The following CEP170B variants were observed in gnomAD, a reference collection of about 807,000 sequenced individuals.
CEP170B encodes centrosomal protein 170B, also known as centrosomal protein of 170 kDa protein B.
In CEP170B, 55 loss-of-function variants were observed where a neutral mutation model predicts 120.6. That is an observed-to-expected ratio of 0.46 (90% confidence interval 0.37 to 0.57). CEP170B has a LOEUF of 0.57. CEP170B is among the 20% of genes least tolerant of loss of function. CEP170B has a pLI of 0.00. For missense variants in CEP170B, 2,212 were observed against 2,253.3 expected, an observed-to-expected ratio of 0.98 and a Z score of 0.37; for synonymous variants, 1,033 against 954.5, an observed-to-expected ratio of 1.08 and a Z score of -1.52.
Position 104,886,501 on chromosome 14 carries a change from C to T in CEP170B, c.2262C>T (p.Asp754=), listed in dbSNP as rs376336852. ...PDSLSDASGS[D]GGRGPEPGVE... is the part of the protein sequence containing the mutation. ...GCCTCAGCGATGCCAGTGGGTCGGA[C>T]GGGGGCCGAGGCCCCGAGCCAGGGG... is the stretch of plus-strand genomic sequence containing the variant. The change falls in exon 12 of 19, where the codon GAC becomes GAT. Residue 754 remains aspartate, a synonymous_variant. Transcript: ENST00000414716. 2.9e-5 allele frequency: 44 copies of T among 1,508,794 alleles called. No homozygotes were observed. The East Asian group carries it at 3.4e-4, about 11-fold the overall frequency. 93.5% of individuals were successfully genotyped at this position (1,508,794 alleles called of 1,614,324 possible). A position where few individuals can be genotyped will look rare whatever the true frequency, so the allele number is the denominator to read the frequency against.
Position 104,892,898 on chromosome 14 carries a change from G to C in CEP170B, c.3879-78G>C. The C allele has an allele frequency of 2.0e-6, 3 of 1,474,374 alleles. No homozygotes were observed. The South Asian group carries it at 3.7e-5, about 18-fold the overall frequency. 91.3% of individuals were successfully genotyped at this position (1,474,374 alleles called of 1,614,324 possible). A position where few individuals can be genotyped will look rare whatever the true frequency, so the allele number is the denominator to read the frequency against. ...GCCAGCAGCTGCCTGGGAGCTGGGA[G>C]GGGCTTTGAGGCCTGTCTGGCCCCT... is the stretch of plus-strand genomic sequence containing the variant. On this transcript the variant is annotated intron_variant, in intron 13 of 18. Transcript: ENST00000414716.
In CEP170B at chr14:104,886,681, G is replaced by A. The variant is rs776900548; in HGVS notation, c.2442G>A (p.Ala814=). 10 of 1,547,680 alleles carry A rather than the reference G, an allele frequency of 6.5e-6. No individual in the cohort carries two copies. Among genetic ancestry groups the A allele is most frequent in the Admixed American group, 4.1e-5 (2 of 48,834 alleles). The part of the protein sequence containing the change: ...GDAVLSRKPL[A]APGDGEGLGQ... ...CTGTGTTATCTAGGAAACCGCTTGCGGCTCCAGGGGATGGGGAGGGCCTAG... is the reference window on the plus strand; with the variant it reads ...CTGTGTTATCTAGGAAACCGCTTGCAGCTCCAGGGGATGGGGAGGGCCTAG... The change falls in exon 12 of 19, where the codon GCG becomes GCA. Residue 814 remains alanine (A), a synonymous_variant. Transcript: ENST00000414716.
Position 104,893,538 on chromosome 14 carries a change from C to A in CEP170B, c.4054C>A (p.Pro1352Thr), listed in dbSNP as rs1272201183. The change falls in exon 15 of 19, where the codon CCC becomes ACC. Residue 1352 changes from proline to threonine, a missense_variant. Around this residue, in one of 2 missense-constraint regions of CEP170B, gnomAD observed 2,166 missense variants for 2,166.7 expected, o/e 1.00. Coordinates refer to ENST00000414716, the MANE Select transcript of CEP170B (RefSeq NM_001112726.3). Reference sequence around the variant, plus strand: ...CCTCTTGCAGCTGGTGCAGCGCATCCCCGAGGCCAGCCTCAACTTCCAGAA... The same window carrying A: ...CCTCTTGCAGCTGGTGCAGCGCATCACCGAGGCCAGCCTCAACTTCCAGAA... ...SAREELVQRI[P>T]EASLNFQKVP... 1.2e-6 allele frequency: 2 copies of A among 1,604,544 alleles called. No individual in the cohort carries two copies. Among genetic ancestry groups the A allele is most frequent in the Non-Finnish European group, 1.7e-6 (2 of 1,177,090 alleles).
chr14:104,865,229 C>CGGGGCGGGGCGTTCCG (rs1317489909), upstream of CEP170B: 1 of 38,440 alleles, frequency 2.6e-5, no homozygotes, highest in African/African-American at 1.0e-4. This position sits in a 1 kb window ranked among gnomAD's most constrained non-coding sequence, Gnocchi z 6.7. Flanking sequence ...GGGGCGTGCC[C>CGGGGCGGGGCGTTCCG]GGGGCGGGGC....
At chr14:104,866,552 G>T (rs1031601029) in intron 1 of CEP170B, among the ~76,000 whole-genome samples, 3 of 143,122 alleles carry the variant, frequency 2.1e-5, no homozygotes, top group Non-Finnish European at 4.8e-5. Context: ...GGCTTAGGAA[G>T]GGCAGGGCCC....
chr14:104,868,467 G>GGTGCTCAC lies in CEP170B; in HGVS notation c.19_20insGCTCACGT (p.Phe7CysfsTer6). ...AGCACCAAGATGAGTGCCACGTCCT[G>GGTGCTCAC]GTTCCTGGTGAGCAGCAGCGGCGCC... On this transcript the variant is annotated frameshift_variant, in exon 2 of 19. Coordinates refer to ENST00000414716, the MANE Select transcript of CEP170B (RefSeq NM_001112726.3). LOFTEE classifies it high-confidence loss of function. This position sits in a 1 kb window ranked among gnomAD's most constrained non-coding sequence, Gnocchi z 5.9. 6.5e-7 allele frequency: 1 copy of GGTGCTCAC among 1,549,032 alleles called. No individual in the cohort carries two copies.
At chr14:104,872,101 G>A (rs1452335068) in intron 2 of CEP170B, among the ~76,000 whole-genome samples, 1 of 152,188 alleles carries the variant, frequency 6.6e-6, no homozygotes, top group Non-Finnish European at 1.5e-5. Context: ...CCAGGCTGTG[G>A]TCCAGGGTGT....
Position 104,876,242 on chromosome 14 carries a change from G to T in CEP170B, c.106-14G>T. 7 of 1,550,416 alleles carry T rather than the reference G, an allele frequency of 4.5e-6. No individual in the cohort carries two copies. The highest frequency in any genetic ancestry group is 6.1e-6 in the Non-Finnish European group (7 of 1,146,688). On this transcript the variant is annotated splice_polypyrimidine_tract_variant and intron_variant, in intron 2 of 18. Coordinates refer to ENST00000414716, the MANE Select transcript of CEP170B (RefSeq NM_001112726.3). ...CCCCTGGAGCACCTGAGGGCTGGCT[G>T]TGTGTCTCTCCAGTCCCGCAGCGTG...
upstream of CEP170B, among the ~76,000 whole-genome samples, chr14:104,864,513 A>G (rs1330975963): frequency 1.3e-5 from 2 of 152,140 alleles, no homozygotes; most frequent in Non-Finnish European, 2.9e-5. The surrounding 1 kb of genome is among the most constrained non-coding windows in gnomAD (Gnocchi z 5.9). Context: ...GGATACGCCT[A>G]TTGTAGCACC....
At position 104,868,569 on chromosome 14, in the gene CEP170B, G is replaced by C. The variant is rs368068386; in HGVS notation, c.105+14G>C. ...CTCATGCTACAGGTTTGCAGGGAGC[G>C]CTTGGGGCCAGGAGGGTAGGGGGTA... On this transcript the variant is annotated intron_variant, in intron 2 of 18. Coordinates refer to ENST00000414716, the MANE Select transcript of CEP170B (RefSeq NM_001112726.3). This position sits in a 1 kb window ranked among gnomAD's most constrained non-coding sequence, Gnocchi z 5.9. 22 of 1,547,118 alleles carry C rather than the reference G, an allele frequency of 1.4e-5. No individual in the cohort carries two copies. The highest frequency in any genetic ancestry group is 2.0e-5 in the Admixed American group (1 of 50,954).
chr14:104,888,347 C>T (rs867772422), intron 12 of CEP170B, among the ~76,000 whole-genome samples: 1 of 152,224 alleles, frequency 6.6e-6, no homozygotes, highest in African/African-American at 2.4e-5. Flanking sequence ...TGCCCATGGG[C>T]CTGAGGCCCT....
At position 104,886,304 on chromosome 14, in the gene CEP170B, C is replaced by A; in HGVS notation, c.2065C>A (p.Pro689Thr). The change falls in exon 12 of 19, where the codon CCG (proline) becomes ACG (threonine). Residue 689 changes from proline (P) to threonine (T), a missense_variant. Transcript: ENST00000414716. The part of the protein sequence containing the change: ...EDGLGRRGGE[P>T]EGSLPVRMRR... ...TGGCCTGGGACGTAGAGGCGGGGAG[C>A]CGGAGGGGTCCCTGCCTGTGCGCAT... 1 of 1,532,192 alleles carries A rather than the reference C, an allele frequency of 6.5e-7. No homozygotes were observed. Among genetic ancestry groups the A allele is most frequent in the African/African-American group, 1.4e-5 (1 of 73,458 alleles). The allele number at this position is 1,532,192 out of a possible 1,614,324, so 94.9% of individuals were successfully genotyped here.
At chr14:104,869,777 A>C (rs1017475643) in intron 2 of CEP170B, among the ~76,000 whole-genome samples, 5 of 152,192 alleles carry the variant, frequency 3.3e-5, no homozygotes, top group African/African-American at 1.2e-4. Context: ...AAGCAGAGAC[A>C]GGGCCCTCTC....
rs1214464781 is a variant in CEP170B at position 104,868,968 on chromosome 14, T to A, written c.105+413T>A. Among the ~76,000 whole-genome samples, 1 of 152,144 alleles carries A rather than the reference T, an allele frequency of 6.6e-6. No individual in the cohort carries two copies. Among genetic ancestry groups the A allele is most frequent in the Non-Finnish European group, 1.5e-5 (1 of 68,004 alleles). ...CTGGGGGCCCCGTCTATGCTGTGAG[T>A]GCTGCCTGAGCGGGGGTCCCAGTAT... On this transcript the variant is annotated intron_variant, in intron 2 of 18. Transcript: ENST00000414716. The surrounding 1 kb of genome is among the most constrained non-coding windows in gnomAD (Gnocchi z 5.9).
intron 14 of CEP170B, 121 bp downstream of exon 14, chr14:104,893,256 G>A: frequency 8.1e-7 from 1 of 1,235,894 alleles, no homozygotes; most frequent in Non-Finnish European, 1.1e-6. Flanking sequence ...CACTTGGCGA[G>A]CTGGAACATG....
chr14:104,869,766 G>A (rs911309821), intron 2 of CEP170B, among the ~76,000 whole-genome samples: 4 of 152,202 alleles, frequency 2.6e-5, no homozygotes, highest in African/African-American at 9.7e-5. Context: ...TACCATCCTT[G>A]AAGCAGAGAC....
chr14:104,887,933 C>T lies in CEP170B; in HGVS notation c.3694C>T (p.Gln1232Ter). Residue 1232 changes from glutamine to a stop codon, truncating the protein, a stop_gained, in exon 12 of 19, where the codon CAG (glutamine) becomes TAG (stop). Coordinates refer to ENST00000414716, the MANE Select transcript of CEP170B (RefSeq NM_001112726.3). LOFTEE classifies it high-confidence loss of function. ...ANTATTTGPRQPFSRARSGSA... is the reference protein window; with the variant it reads ...ANTATTTGPR ...CACAGCCACCACCACGGGTCCCCGC[C>T]AGCCCTTCAGCAGGGCCCGCTCAGG... 6.5e-7 allele frequency: 1 copy of T among 1,543,552 alleles called. No individual in the cohort carries two copies.
At chr14:104,888,373 T>A (rs543178868) in intron 12 of CEP170B, among the ~76,000 whole-genome samples, 1 of 152,332 alleles carries the variant, frequency 6.6e-6, no homozygotes, top group African/African-American at 2.4e-5. Context: ...TGGGGAGGGC[T>A]GTCCCATGGA....
intron 1 of CEP170B, among the ~76,000 whole-genome samples, chr14:104,866,612 A>T (rs1217563340): frequency 1.3e-5 from 2 of 151,868 alleles, no homozygotes. Flanking sequence ...CCTGGTGAGG[A>T]TTTTTCTACA....
Sources: gnomAD v4.1 joint callset for allele counts (sites outside exome capture counted in the v4.1 genomes callset) on GRCh38, gnomAD v4.1.1 for gene constraint, gnomAD v4.1.1 regional missense constraint, Gnocchi (gnomAD v3.1) non-coding constraint, MANE v1.5 for transcripts, NCBI Gene and HGNC (gene_info 2026-07-23, HGNC 2026-07-21) for gene names.